Variants in SIAH1 observed in about 807,000 individuals in gnomAD.
SIAH1 encodes the protein siah E3 ubiquitin protein ligase 1.
SIAH1 carries 2 observed loss-of-function variants against 20.0 expected under a neutral mutation model. The observed-to-expected ratio is 0.10, with a 90% confidence interval of 0.04 to 0.31. The LOEUF is 0.31. Among genes scored for constraint, SIAH1 ranks in the 10% least tolerant of loss-of-function variants. The probability of loss-of-function intolerance (pLI) is 1.00; values close to 1 mark genes in which losing one functional copy is unlikely to be tolerated. For missense variants in SIAH1, 119 were observed against 355.3 expected (o/e 0.33, Z 5.35); for synonymous variants, 118 against 125.3 (o/e 0.94, Z 0.39).
upstream of SIAH1, among the ~76,000 whole-genome samples, chr16:48,385,692 T>G (rs1322675775): frequency 2.6e-5 from 4 of 152,086 alleles, no homozygotes; most frequent in Non-Finnish European, 5.9e-5. Context: ...AGCTAGCGCT[T>G]GCCCGTCGGC....
chr16:48,386,493 C>G (rs141112968), upstream of SIAH1, among the ~76,000 whole-genome samples: 3 of 152,008 alleles, frequency 2.0e-5, no homozygotes, highest in Admixed American at 6.6e-5. Context: ...GACAACAGAG[C>G]GAGACTCTGT....
chr16:48,375,898 T>G (rs1397693018), intron 1 of SIAH1, among the ~76,000 whole-genome samples: 1 of 152,120 alleles, frequency 6.6e-6, no homozygotes, highest in Non-Finnish European at 1.5e-5. Flanking sequence ...AGCCTGGAAT[T>G]AGAAACCAGA....
At chr16:48,380,828 T>G (rs532089420) in intron 1 of SIAH1, among the ~76,000 whole-genome samples, 1 of 149,008 alleles carries the variant, frequency 6.7e-6, no homozygotes, top group Admixed American at 6.8e-5. Flanking sequence ...CTCAGGAGGC[T>G]GAGGCAGGAG....
At chr16:48,368,734 T>G (rs1597024807) in intron 1 of SIAH1, among the ~76,000 whole-genome samples, 1 of 151,878 alleles carries the variant, frequency 6.6e-6, no homozygotes, top group East Asian at 1.9e-4. Flanking sequence ...CAGAGCAAGA[T>G]TCCATCTCAA....
chr16:48,366,285 G>GT (rs771478470), intron 1 of SIAH1, among the ~76,000 whole-genome samples: 7 of 152,206 alleles, frequency 4.6e-5, no homozygotes, highest in Non-Finnish European at 8.8e-5. Context: ...TACGCTCCAG[G>GT]TTTATCGTGC....
chr16:48,372,270 A>G (rs1467486112), intron 1 of SIAH1, among the ~76,000 whole-genome samples: 1 of 152,196 alleles, frequency 6.6e-6, no homozygotes, highest in African/African-American at 2.4e-5. Context: ...AAATTCAATT[A>G]TATTCAGCTG....
chr16:48,374,221 C>T (rs570751861), intron 1 of SIAH1, among the ~76,000 whole-genome samples: 1 of 152,304 alleles, frequency 6.6e-6, no homozygotes, highest in African/African-American at 2.4e-5. Context: ...TTTTGTCTGG[C>T]TCAATTATGT....
At chr16:48,375,356 A>C (rs1567374386) in intron 1 of SIAH1, among the ~76,000 whole-genome samples, 1 of 152,184 alleles carries the variant, frequency 6.6e-6, no homozygotes, top group Non-Finnish European at 1.5e-5. Context: ...GGGGGGAGAG[A>C]GGCGAGGAGC....
chr16:48,370,650 C>CA (rs1268029232), intron 1 of SIAH1, among the ~76,000 whole-genome samples: 9 of 151,828 alleles, frequency 5.9e-5, no homozygotes, highest in African/African-American at 2.2e-4. Flanking sequence ...ACTAAAAATA[C>CA]AAAAAATTAG....
intron 1 of SIAH1, among the ~76,000 whole-genome samples, chr16:48,364,463 T>TA (rs1208776234): frequency 6.6e-6 from 1 of 152,204 alleles, no homozygotes; most frequent in Non-Finnish European, 1.5e-5. Flanking sequence ...ACGGGTATTT[T>TA]AAAGTTCCAG....
In SIAH1 at chr16:48,361,748, T is replaced by C; in HGVS notation, c.681A>G (p.Leu227=). 1.2e-6 allele frequency: 2 copies of C among 1,614,240 alleles called. No individual in the cohort carries two copies. Among genetic ancestry groups the C allele is most frequent in the Non-Finnish European group, 1.7e-6 (2 of 1,180,040 alleles). The change falls in exon 2 of 2, where the codon CTA becomes CTG. Residue 227 remains leucine (L), a synonymous_variant. Transcript: ENST00000394725. Reference sequence around the variant, plus strand: ...AAGTCAATCGTCGCCTATGACCATTTAGCTCAAGTCGGTAAGCAAAATTTT... The same window carrying C: ...AAGTCAATCGTCGCCTATGACCATTCAGCTCAAGTCGGTAAGCAAAATTTT... ...QAENFAYRLE[L]NGHRRRLTWE...
intron 1 of SIAH1, among the ~76,000 whole-genome samples, chr16:48,380,950 G>C (rs1354459036): frequency 2.5e-5 from 1 of 40,646 alleles, no homozygotes; most frequent in African/African-American, 8.9e-5. Flanking sequence ...AAAAAAGAAC[G>C]GCTAAAATCC....
intron 1 of SIAH1, chr16:48,365,306 T>C: frequency 6.9e-7 from 1 of 1,449,584 alleles, no homozygotes; most frequent in Non-Finnish European, 9.5e-7. Context: ...GCTGCAGCCA[T>C]TCCCTAAGCC....
chr16:48,365,957 T>C (rs1296663715), intron 1 of SIAH1: 20 of 1,168,150 alleles, frequency 1.7e-5, no homozygotes, highest in Non-Finnish European at 1.9e-5. Context: ...GAACGCCTAC[T>C]CCAACCCGGG....
intron 1 of SIAH1, among the ~76,000 whole-genome samples, chr16:48,379,479 T>G (rs934417245): frequency 6.6e-6 from 1 of 152,182 alleles, no homozygotes; most frequent in Non-Finnish European, 1.5e-5. Flanking sequence ...TAGAGAAGTT[T>G]GTAAGAAACA....
upstream of SIAH1, among the ~76,000 whole-genome samples, chr16:48,386,102 G>A (rs1014525201): frequency 6.6e-6 from 1 of 152,190 alleles, no homozygotes; most frequent in Non-Finnish European, 1.5e-5. Flanking sequence ...TCCACTTCTT[G>A]AAATAATAAA....
intron 1 of SIAH1, among the ~76,000 whole-genome samples, chr16:48,378,553 A>C (rs1407186617): frequency 1.3e-5 from 2 of 152,232 alleles, no homozygotes; most frequent in East Asian, 3.8e-4. Flanking sequence ...CAAGCTGTAC[A>C]CATGATTTGA....
At chr16:48,374,934 C>A (rs1010924332) in intron 1 of SIAH1, among the ~76,000 whole-genome samples, 2 of 152,036 alleles carry the variant, frequency 1.3e-5, no homozygotes, top group Non-Finnish European at 2.9e-5. Context: ...GTTAAAGTCA[C>A]AAACGGAAAT....
rs369518856 is a variant in SIAH1 at position 48,361,152 on chromosome 16, A to C, written c.*428T>G. On this transcript the variant is annotated 3_prime_UTR_variant, in exon 2 of 2. Coordinates refer to ENST00000394725, the MANE Select transcript of SIAH1 (RefSeq NM_003031.4). ...CAGCAGCACTATGTATTGACTCACA[A>C]AGGGAAAAGCAGTGGCCCATGACCA... 1 of 167,076 alleles carries C rather than the reference A, an allele frequency of 6.0e-6. No homozygotes were observed. Among genetic ancestry groups the C allele is most frequent in the Middle Eastern group, 3.2e-3 (1 of 312 alleles). The allele number at this position is 167,076 out of a possible 1,614,324, so 10.3% of individuals were successfully genotyped here.
Sources: gnomAD v4.1 joint callset for allele counts (sites outside exome capture counted in the v4.1 genomes callset) on GRCh38, gnomAD v4.1.1 for gene constraint, MANE v1.5 for transcripts, NCBI Gene and HGNC (gene_info 2026-07-23, HGNC 2026-07-21) for gene names.